The following OSBPL11 variants were observed in gnomAD, a reference collection of about 807,000 sequenced individuals.
OSBPL11 encodes the protein oxysterol-binding protein-related protein 11.
Under a neutral mutation model 84.4 loss-of-function variants are expected in OSBPL11, and 33 were observed. That is an observed-to-expected ratio of 0.39 (90% CI 0.30 to 0.52). The LOEUF (loss-of-function observed/expected upper bound fraction) is 0.52, where lower values mean the gene tolerates loss of function less well. Among genes scored for constraint, OSBPL11 ranks in the 20% least tolerant of loss-of-function variants. The pLI, the probability that OSBPL11 is intolerant of heterozygous loss-of-function variation, is 0.72. For missense variants in OSBPL11, 736 were observed against 901.1 expected (o/e 0.82, Z 2.35); for synonymous variants, 276 against 310.2 (o/e 0.89, Z 1.16).
At chr3:125,562,651 G>A (rs1936095290) in intron 7 of OSBPL11, among the ~76,000 whole-genome samples, 1 of 152,196 alleles carries the variant, frequency 6.6e-6, no homozygotes, top group Non-Finnish European at 1.5e-5. Context: ...AGAAGGCCGG[G>A]TGCGGTAGCT....
chr3:125,531,921 A>G lies in OSBPL11; in HGVS notation c.2118T>C (p.Thr706=), dbSNP rs781048383. The G allele has an allele frequency of 1.9e-6, 3 of 1,614,114 alleles. No individual in the cohort carries two copies. The highest frequency in any genetic ancestry group is 1.7e-6 in the Non-Finnish European group (2 of 1,180,014). ...CTGTTTCAGTACGATGCCTTTCTTCAGTCCTCTGACGTTCTTCCAGGGTAT... is the reference window on the plus strand; with the variant it reads ...CTGTTTCAGTACGATGCCTTTCTTCGGTCCTCTGACGTTCTTCCAGGGTAT... ...HKHTLEERQR[T]EERHRTETGT... Residue 706 remains threonine, a synonymous_variant, in exon 12 of 13, where the codon ACT becomes ACC. Transcript: ENST00000296220.
Position 125,531,968 on chromosome 3 carries a change from C to G in OSBPL11, c.2071G>C (p.Asp691His), listed in dbSNP as rs1340712323. 3 of 1,612,482 alleles carry G rather than the reference C, an allele frequency of 1.9e-6. No individual in the cohort carries two copies. Among genetic ancestry groups the G allele is most frequent in the Non-Finnish European group, 2.5e-6 (3 of 1,179,676 alleles). ...VTDSLRESEI[D>H]KATEHKHTLE... is the part of the protein sequence containing the mutation. ...GTATGCTTATGCTCTGTGGCCTTAT[C>G]AATTTCAGATTCTCTCAGCGAGTCT... Residue 691 changes from aspartate to histidine, a missense_variant, in exon 12 of 13, where the codon GAT becomes CAT. By Grantham distance (81) the Asp-to-His change is moderately conservative. Coordinates refer to ENST00000296220, the MANE Select transcript of OSBPL11 (RefSeq NM_022776.5).
chr3:125,570,004 T>A (rs1052201170), intron 5 of OSBPL11, among the ~76,000 whole-genome samples: 15 of 152,214 alleles, frequency 9.9e-5, no homozygotes, highest in African/African-American at 3.6e-4. Context: ...GGCACACTTA[T>A]AATTTGTGTA....
At chr3:125,558,154 T>A (rs1192541211) in intron 8 of OSBPL11, among the ~76,000 whole-genome samples, 2 of 152,252 alleles carry the variant, frequency 1.3e-5, no homozygotes, top group Admixed American at 1.3e-4. Context: ...ATGCACTTAT[T>A]CATGCCATGA....
Position 125,576,278 on chromosome 3 carries a change from T to G in OSBPL11, c.577A>C (p.Ile193Leu). The change falls in exon 5 of 13, where the codon ATT becomes CTT. Residue 193 changes from isoleucine (I) to leucine (L), a missense_variant. Physicochemically the swap from Ile to Leu is conservative, Grantham distance 5. Coordinates refer to ENST00000296220, the MANE Select transcript of OSBPL11 (RefSeq NM_022776.5). ...ISQRRPSQNA[I>L]SFFNVGHSKL... ...GAATGTCCAACATTAAAAAAAGAAA[T>G]GGCATTTTGACTTGGTCTCCTCTGC... is the stretch of plus-strand genomic sequence containing the variant. 1 of 1,610,896 alleles carries G rather than the reference T, an allele frequency of 6.2e-7. No homozygotes were observed. The highest frequency in any genetic ancestry group is 1.7e-5 in the Admixed American group (1 of 59,240).
At chr3:125,585,259 T>C (rs1936488503) in intron 1 of OSBPL11, among the ~76,000 whole-genome samples, 2 of 152,154 alleles carry the variant, frequency 1.3e-5, no homozygotes, top group East Asian at 1.9e-4. Context: ...GCCTGCCAAG[T>C]AGCTGGGACT....
chr3:125,560,000 G>A (rs978573706), intron 8 of OSBPL11, among the ~76,000 whole-genome samples: 1 of 151,914 alleles, frequency 6.6e-6, no homozygotes, highest in Non-Finnish European at 1.5e-5. Flanking sequence ...AATGGCTCAC[G>A]CCTGTAATCC....
rs1480687584 is a variant in OSBPL11 at position 125,547,567 on chromosome 3, T to G, written c.1680A>C (p.Gly560=). The G allele has an allele frequency of 3.1e-6, 5 of 1,611,512 alleles. No homozygotes were observed. The highest frequency in any genetic ancestry group is 3.4e-6 in the Non-Finnish European group (4 of 1,178,734). The change falls in exon 10 of 13, where the codon GGA becomes GGC. Residue 560 remains glycine (G), a synonymous_variant. Coordinates refer to ENST00000296220, the MANE Select transcript of OSBPL11 (RefSeq NM_022776.5). ...GEGILSLLEH[G]EEYTFSLPCA... is the part of the protein sequence containing the mutation. The stretch of plus-strand genomic sequence containing the variant: ...AGGGTAGAGAAAATGTGTACTCTTC[T>G]CCATGCTCCAACAGACTAAGGATAC...
chr3:125,546,901 CAA>C (rs34621695), intron 10 of OSBPL11, among the ~76,000 whole-genome samples: 3 of 140,652 alleles, frequency 2.1e-5, no homozygotes, highest in Non-Finnish European at 3.1e-5. Flanking sequence ...AAACAAATGA[CAA>C]AAAAAAAAAA....
intron 11 of OSBPL11, among the ~76,000 whole-genome samples, chr3:125,533,190 C>T (rs1580028719): frequency 6.8e-6 from 1 of 146,908 alleles, no homozygotes; most frequent in African/African-American, 2.5e-5. Context: ...TCTCTTCCTC[C>T]CCTTCCCTCC....
chr3:125,566,651 TCATA>T (rs1348951996), intron 6 of OSBPL11, among the ~76,000 whole-genome samples: 2 of 152,172 alleles, frequency 1.3e-5, no homozygotes, highest in Admixed American at 1.3e-4. Context: ...AAGTTATTGC[TCATA>T]CAATGTGATG....
chr3:125,572,913 G>T (rs1481563152), intron 5 of OSBPL11, among the ~76,000 whole-genome samples: 2 of 138,126 alleles, frequency 1.4e-5, no homozygotes, highest in Admixed American at 7.3e-5. Context: ...TATAAAGTGT[G>T]TGTATATATA....
chr3:125,546,647 T>C (rs1935821350), intron 10 of OSBPL11, among the ~76,000 whole-genome samples: 2 of 151,910 alleles, frequency 1.3e-5, no homozygotes, highest in African/African-American at 4.8e-5. Context: ...TCCCAGCACT[T>C]TGGGAGGTTG....
chr3:125,580,101 A>C, intron 2 of OSBPL11, 61 bp from the exon 3 acceptor site: 2 of 1,408,724 alleles, frequency 1.4e-6, no homozygotes, highest in Non-Finnish European at 2.0e-6. Context: ...ACTAAAGCAA[A>C]GCAAACTTCA....
At chr3:125,592,783 C>T (rs772426275) in intron 1 of OSBPL11, among the ~76,000 whole-genome samples, 1 of 150,970 alleles carries the variant, frequency 6.6e-6, no homozygotes, top group Non-Finnish European at 1.5e-5. Flanking sequence ...ATATTAAGAC[C>T]TAACAGGAAA....
intron 5 of OSBPL11, among the ~76,000 whole-genome samples, chr3:125,573,804 A>C (rs1936276475): frequency 6.9e-6 from 1 of 144,304 alleles, no homozygotes; most frequent in Non-Finnish European, 1.5e-5. Flanking sequence ...CCTGGGAGGC[A>C]GAGGTTGCAG....
intron 11 of OSBPL11, among the ~76,000 whole-genome samples, chr3:125,534,951 GAAAAAAAAAA>G (rs56164804): frequency 0.12 from 8,083 of 65,254 alleles, 183 homozygotes; most frequent in Middle Eastern, 0.2. Context: ...TAAGAAATTA[GAAAAAAAAAA>G]AAAAAAAAAA....
At chr3:125,564,090 A>G (rs1191869767) in intron 6 of OSBPL11, among the ~76,000 whole-genome samples, 1 of 152,210 alleles carries the variant, frequency 6.6e-6, no homozygotes, top group African/African-American at 2.4e-5. Flanking sequence ...ATAGGACTGA[A>G]TTTACTTCTT....
rs1392048032 is a variant in OSBPL11, at chr3:125,580,051, T to G, written c.234-11A>C. 3.8e-6 allele frequency: 6 copies of G among 1,598,726 alleles called. No individual in the cohort carries two copies. Among genetic ancestry groups the G allele is most frequent in the Non-Finnish European group, 5.1e-6 (6 of 1,173,762 alleles). ...TTTAAAACAAAAAACCTGTAATGAT[T>G]TTTTAAAATCCATAATTTGTAAACA... On this transcript the variant is annotated splice_polypyrimidine_tract_variant and intron_variant, in intron 2 of 12. Coordinates refer to ENST00000296220, the MANE Select transcript of OSBPL11 (RefSeq NM_022776.5).
Sources: gnomAD v4.1 joint callset for allele counts (sites outside exome capture counted in the v4.1 genomes callset) on GRCh38, gnomAD v4.1.1 for gene constraint, MANE v1.5 for transcripts, NCBI Gene and HGNC (gene_info 2026-07-23, HGNC 2026-07-21) for gene names.